The following GTF3C5 variants were observed in gnomAD, a reference collection of about 807,000 sequenced individuals.
GTF3C5 encodes the protein general transcription factor IIIC subunit 5.
A neutral mutation model predicts 61.0 loss-of-function variants in GTF3C5; 47 were observed. The observed-to-expected ratio is 0.77, with a 90% CI of 0.61 to 0.98. The LOEUF is 0.98. Ranked by LOEUF, GTF3C5 falls within the 50% of genes least tolerant of loss-of-function variation. GTF3C5 has a pLI of 0.00. For synonymous variants in GTF3C5, 295 were observed against 275.4 expected, an observed-to-expected ratio of 1.07 and a Z score of -0.71; for missense variants, 659 against 703.3, an observed-to-expected ratio of 0.94 and a Z score of 0.71.
At chr9:133,041,419 A>G (rs529124631) in intron 1 of GTF3C5, among the ~76,000 whole-genome samples, 11 of 152,316 alleles carry the variant, frequency 7.2e-5, no homozygotes, top group Middle Eastern at 3.4e-3. Flanking sequence ...TGAAAGTACT[A>G]AAAGTCTCTG....
intron 1 of GTF3C5, among the ~76,000 whole-genome samples, chr9:133,036,110 AGTT>A (rs1424214717): frequency 6.6e-6 from 1 of 152,108 alleles, no homozygotes; most frequent in African/African-American, 2.4e-5. Context: ...TTTTTCCTTC[AGTT>A]ACCTGGGAAG....
chr9:133,043,635 C>T (rs976219210), intron 2 of GTF3C5, 93 bp from the exon 3 acceptor site: 11 of 1,021,844 alleles, frequency 1.1e-5, no homozygotes, highest in Middle Eastern at 2.3e-4. Flanking sequence ...ACATGGCCCA[C>T]TCAGCACCTC....
upstream of GTF3C5, chr9:133,030,772 G>A (rs534175018): frequency 4.8e-6 from 3 of 622,692 alleles, no homozygotes; most frequent in Non-Finnish European, 8.8e-6. Flanking sequence ...CCGCCCGGTG[G>A]ACTAACTCGC....
intron 6 of GTF3C5, 116 bp from the exon 7 acceptor site, chr9:133,054,292 G>A (rs746414590): frequency 4.0e-5 from 32 of 801,908 alleles, no homozygotes; most frequent in Non-Finnish European, 5.9e-5. Flanking sequence ...GCAGTCTGGG[G>A]TTGCCCTCTC....
chr9:133,043,595 T>C, intron 2 of GTF3C5, 133 bp from the exon 3 acceptor site: 1 of 686,138 alleles, frequency 1.5e-6, no homozygotes. Context: ...GGGTGTGTTT[T>C]CCTGCCACCC....
intron 1 of GTF3C5, among the ~76,000 whole-genome samples, chr9:133,041,468 C>T (rs1472200803): frequency 6.6e-6 from 1 of 152,114 alleles, no homozygotes; most frequent in African/African-American, 2.4e-5. Context: ...TCTCTCTCTC[C>T]CTCTCTGTCT....
At position 133,043,932 on chromosome 9, in the gene GTF3C5, GCCC is replaced by G. The variant is rs778947914; in HGVS notation, c.572+10_572+12del. 11 of 1,608,442 alleles carry G rather than the reference GCCC, an allele frequency of 6.8e-6. No homozygotes were observed. The highest frequency in any genetic ancestry group is 1.7e-4 in the Middle Eastern group (1 of 6,030). On this transcript the variant is annotated splice_region_variant and intron_variant, in intron 3 of 10. Transcript: ENST00000372097. ...CGACCAGAGACCCAGCACCGGTAAGGCCCCCCTCCATGCAGCCTCGGTTCTCTA... is the reference window on the plus strand; with the variant it reads ...CGACCAGAGACCCAGCACCGGTAAGGCCCTCCATGCAGCCTCGGTTCTCTA...
At position 133,042,133 on chromosome 9, in the gene GTF3C5, A is replaced by G. The variant is rs1352690735; in HGVS notation, c.200A>G (p.Lys67Arg). ...AGGCTGGAGCTGTACTTCCGGCCCA[A>G]GGACCCATACTGCCACCCAGTGTGC... is the stretch of plus-strand genomic sequence containing the variant. Reference protein sequence around the residue: ...TKRLELYFRPKDPYCHPVCAN... With the variant: ...TKRLELYFRPRDPYCHPVCAN... Residue 67 changes from lysine (K) to arginine (R), a missense_variant, in exon 2 of 11, where the codon AAG becomes AGG. Coordinates refer to ENST00000372097, the MANE Select transcript of GTF3C5 (RefSeq NM_012087.4). 1.9e-6 allele frequency: 3 copies of G among 1,613,928 alleles called. No individual in the cohort carries two copies. The highest frequency in any genetic ancestry group is 2.5e-6 in the Non-Finnish European group (3 of 1,180,004).
chr9:133,030,718 C>G, upstream of GTF3C5: 1 of 530,858 alleles, frequency 1.9e-6, no homozygotes, highest in Non-Finnish European at 3.4e-6. Context: ...GTCTTATTAT[C>G]CTCCGGGTCC....
At chr9:133,047,647 G>C (rs1205625138) in intron 3 of GTF3C5, among the ~76,000 whole-genome samples, 2 of 151,660 alleles carry the variant, frequency 1.3e-5, no homozygotes, top group African/African-American at 4.8e-5. Flanking sequence ...TCAGCCTCCC[G>C]AGTAGCTGGG....
intron 4 of GTF3C5, among the ~76,000 whole-genome samples, 169 bp downstream of exon 4, chr9:133,051,147 T>TC (rs1185442333): frequency 1.3e-5 from 2 of 152,252 alleles, no homozygotes; most frequent in Admixed American, 1.3e-4. Context: ...AAAGGCTGTG[T>TC]CGGTATAAGT....
At position 133,053,919 on chromosome 9, in the gene GTF3C5, G is replaced by A. The variant is rs1443675764; in HGVS notation, c.965G>A (p.Arg322Gln). The A allele has an allele frequency of 1.9e-6, 3 of 1,610,618 alleles. No homozygotes were observed. Among genetic ancestry groups the A allele is most frequent in the East Asian group, 2.2e-5 (1 of 44,810 alleles). Residue 322 changes from arginine (R) to glutamine (Q), a missense_variant, in exon 6 of 11, where the codon CGA (arginine) becomes CAA (glutamine). Physicochemically the swap from Arg to Gln is conservative, Grantham distance 43. Coordinates refer to ENST00000372097, the MANE Select transcript of GTF3C5 (RefSeq NM_012087.4). ...DAKIYQVLDF[R>Q]IRCGMKHGYA... ...AAGATTTATCAAGTCCTCGATTTCC[G>A]AATCCGTTGTGGAATGAAACACGGT...
At chr9:133,046,162 C>CA (rs958511392) in intron 3 of GTF3C5, among the ~76,000 whole-genome samples, 5 of 151,650 alleles carry the variant, frequency 3.3e-5, no homozygotes, top group South Asian at 2.1e-4. Flanking sequence ...TCTGTCTCTA[C>CA]AAAAAAAACT....
At chr9:133,046,949 CAA>C (rs1850226779) in intron 3 of GTF3C5, among the ~76,000 whole-genome samples, 1 of 152,120 alleles carries the variant, frequency 6.6e-6, no homozygotes, top group South Asian at 2.1e-4. Context: ...GCTTCATCCT[CAA>C]GAGAGAGTGT....
intron 8 of GTF3C5, chr9:133,055,568 A>G (rs1829913915): frequency 1.0e-6 from 1 of 985,454 alleles, no homozygotes; most frequent in South Asian, 4.7e-5. Flanking sequence ...GGGTACGGAA[A>G]GGAGAGAGCA....
intron 3 of GTF3C5, among the ~76,000 whole-genome samples, chr9:133,047,937 C>A (rs1432602845): frequency 6.6e-6 from 1 of 152,156 alleles, no homozygotes; most frequent in African/African-American, 2.4e-5. Context: ...ACAGCCTGAG[C>A]GACATAGTGA....
intron 3 of GTF3C5, among the ~76,000 whole-genome samples, chr9:133,045,592 G>A (rs1026392161): frequency 1.3e-5 from 2 of 152,174 alleles, no homozygotes; most frequent in African/African-American, 4.8e-5. Flanking sequence ...AGATTTAGGG[G>A]AGCAAGATTA....
At chr9:133,041,915 A>G (rs1461055752) in intron 1 of GTF3C5, among the ~76,000 whole-genome samples, 172 bp from the exon 2 acceptor site, 4 of 152,236 alleles carry the variant, frequency 2.6e-5, no homozygotes, top group Non-Finnish European at 5.9e-5. Flanking sequence ...GATAAAAACT[A>G]AGATACATGG....
At chr9:133,056,457 C>A (rs992739402) in intron 9 of GTF3C5, among the ~76,000 whole-genome samples, 1 of 152,194 alleles carries the variant, frequency 6.6e-6, no homozygotes, top group African/African-American at 2.4e-5. Flanking sequence ...AAAGGGCACT[C>A]ACTGGGATGA....
Sources: allele counts gnomAD v4.1 joint callset (sites outside exome capture counted in the v4.1 genomes callset), GRCh38; gene constraint gnomAD v4.1.1; transcripts MANE v1.5; gene names NCBI Gene and HGNC (gene_info 2026-07-23, HGNC 2026-07-21).